FHIT: variants seen among roughly 807,000 people sequenced by gnomAD.
The protein encoded by FHIT is fragile histidine triad diadenosine triphosphatase.
Under a neutral mutation model 17.9 loss-of-function variants are expected in FHIT, and 19 were observed. That is an observed-to-expected ratio of 1.06 (90% CI 0.74 to 1.56). The LOEUF (loss-of-function observed/expected upper bound fraction) is 1.56. Among genes scored for constraint, FHIT ranks in the 40% most tolerant of loss-of-function variants. The pLI, the probability that FHIT is intolerant of heterozygous loss-of-function variation, is 0.00. For missense variants in FHIT, 248 were observed against 189.2 expected, an observed-to-expected ratio of 1.31 and a Z score of -1.82; for synonymous variants, 81 against 69.7, an observed-to-expected ratio of 1.16 and a Z score of -0.81.
intron 4 of FHIT, among the ~76,000 whole-genome samples, chr3:60,580,377 T>C (rs2037712310): frequency 6.6e-6 from 1 of 152,112 alleles, no homozygotes; most frequent in African/African-American, 2.4e-5. Flanking sequence ...GAATAATCTC[T>C]TTTTCAATCA....
intron 8 of FHIT, among the ~76,000 whole-genome samples, chr3:59,910,386 G>A (rs572646143): frequency 3.9e-5 from 6 of 152,298 alleles, no homozygotes; most frequent in Admixed American, 2.0e-4. Flanking sequence ...AATAGAATGG[G>A]AGGCAGGTTG....
intron 5 of FHIT, among the ~76,000 whole-genome samples, chr3:60,022,599 T>C (rs1444204889): frequency 6.6e-6 from 1 of 152,214 alleles, no homozygotes; most frequent in Admixed American, 6.5e-5. Context: ...TCACAGTGAC[T>C]AGGGCAAGTT....
At chr3:60,054,164 TAA>T (rs1345323363) in intron 5 of FHIT, among the ~76,000 whole-genome samples, 1 of 152,216 alleles carries the variant, frequency 6.6e-6, no homozygotes, top group Non-Finnish European at 1.5e-5. Flanking sequence ...TAGAATTTTT[TAA>T]AGTTTTGGAT....
chr3:60,454,825 A>C lies in FHIT; in HGVS notation c.103+82035T>G, dbSNP rs540189095. ...AACCTCATTTCCCACAATCCTTCCCAGGAGACACTACTTATCCAGGGTTGT... is the reference window on the plus strand; with the variant it reads ...AACCTCATTTCCCACAATCCTTCCCCGGAGACACTACTTATCCAGGGTTGT... On this transcript the variant is annotated intron_variant, in intron 5 of 9. Transcript: ENST00000492590. Among the ~76,000 whole-genome samples the C allele has an allele frequency of 2.0e-5, 3 of 152,206 alleles. No individual in the cohort carries two copies. In the South Asian group the frequency reaches 6.2e-4, roughly 32 times the overall value.
intron 5 of FHIT, among the ~76,000 whole-genome samples, chr3:60,360,468 G>C (rs571841166): frequency 6.6e-6 from 1 of 152,110 alleles, no homozygotes; most frequent in African/African-American, 2.4e-5. Context: ...TGTTATGGTA[G>C]AATGGAAAAA....
rs528893056 is a variant in FHIT at position 59,749,427 on chromosome 3, G to T, written c.*158C>A. 1.7e-5 allele frequency: 4 copies of T among 231,684 alleles called. No individual in the cohort carries two copies. The allele number at this position is 231,684 out of a possible 1,614,324, so 14.4% of individuals were successfully genotyped here. A position where few individuals can be genotyped will look rare whatever the true frequency, so the allele number is the denominator to read the frequency against. ...GTATTTTAAGGGAGTTGGAGTGACC[G>T]AGGTGGGGGATCACTGGTTGAAGAA... On this transcript the variant is annotated 3_prime_UTR_variant, in exon 10 of 10. Coordinates refer to ENST00000492590, the MANE Select transcript of FHIT (RefSeq NM_002012.4).
chr3:60,121,266 G>C (rs748628947), intron 5 of FHIT, among the ~76,000 whole-genome samples: 4 of 152,084 alleles, frequency 2.6e-5, no homozygotes, highest in Non-Finnish European at 5.9e-5. Context: ...AAAGTAAAAT[G>C]TGATCTATAT....
At chr3:60,671,977 T>C (rs1553694022) in intron 4 of FHIT, among the ~76,000 whole-genome samples, 1 of 152,104 alleles carries the variant, frequency 6.6e-6, no homozygotes, top group Non-Finnish European at 1.5e-5. Context: ...TTATTATTTG[T>C]TCTTAATTGA....
chr3:60,860,470 GTATATATGA>G (rs1703677011), intron 3 of FHIT, among the ~76,000 whole-genome samples: 3 of 86,560 alleles, frequency 3.5e-5, no homozygotes, highest in African/African-American at 1.4e-4. Flanking sequence ...ACATATATAT[GTATATATGA>G]TACATATGTA....
intron 5 of FHIT, among the ~76,000 whole-genome samples, chr3:60,276,056 C>A (rs570470737): frequency 6.6e-6 from 1 of 150,762 alleles, no homozygotes; most frequent in Non-Finnish European, 1.5e-5. Flanking sequence ...GGCATGATCT[C>A]GGCTCACTGC....
intron 5 of FHIT, among the ~76,000 whole-genome samples, chr3:60,189,140 A>C (rs1001770355): frequency 6.6e-6 from 1 of 152,256 alleles, no homozygotes; most frequent in Admixed American, 6.5e-5. Context: ...TGTCTGTTAA[A>C]AAGTAGAGCT....
chr3:60,977,896 T>C (rs2107545773), intron 3 of FHIT, among the ~76,000 whole-genome samples: 1 of 151,876 alleles, frequency 6.6e-6, no homozygotes, highest in Non-Finnish European at 1.5e-5. Context: ...AAAGACAGAG[T>C]CATTGCTAAC....
chr3:60,460,362 G>A (rs1324012979), intron 5 of FHIT, among the ~76,000 whole-genome samples: 1 of 151,870 alleles, frequency 6.6e-6, no homozygotes, highest in African/African-American at 2.4e-5. Flanking sequence ...GGGAATCACA[G>A]CTTCCTTCCA....
At chr3:59,896,171 A>C (rs555688913) in intron 8 of FHIT, among the ~76,000 whole-genome samples, 28 of 152,340 alleles carry the variant, frequency 1.8e-4, no homozygotes, top group African/African-American at 6.5e-4. Flanking sequence ...TGTCAGCTTC[A>C]TGAAAACAGA....
At chr3:60,324,160 A>T (rs568562604) in intron 5 of FHIT, among the ~76,000 whole-genome samples, 1 of 152,304 alleles carries the variant, frequency 6.6e-6, no homozygotes, top group East Asian at 1.9e-4. Context: ...TTTACTCCTC[A>T]TTAACAAACT....
chr3:60,805,781 A>C (rs1292019783), intron 4 of FHIT, among the ~76,000 whole-genome samples: 3 of 151,872 alleles, frequency 2.0e-5, no homozygotes, highest in Non-Finnish European at 4.4e-5. Flanking sequence ...GGATGGTCTC[A>C]ATCTCCTCAC....
intron 4 of FHIT, among the ~76,000 whole-genome samples, chr3:60,672,415 C>G (rs2040528042): frequency 6.6e-6 from 1 of 151,852 alleles, no homozygotes; most frequent in Non-Finnish European, 1.5e-5. Flanking sequence ...TCGCAAGGTG[C>G]TCAGTGGGGG....
chr3:60,243,915 G>A (rs1213637852), intron 5 of FHIT, among the ~76,000 whole-genome samples: 1 of 152,066 alleles, frequency 6.6e-6, no homozygotes, highest in African/African-American at 2.4e-5. Context: ...AGTCAGCAGG[G>A]AGAACAGAAA....
intron 3 of FHIT, among the ~76,000 whole-genome samples, chr3:60,966,061 C>G (rs180962157): frequency 6.6e-6 from 1 of 152,150 alleles, no homozygotes; most frequent in African/African-American, 2.4e-5. Flanking sequence ...GGCAGGCAGG[C>G]CTCCTTGAGC....
Sources: gnomAD v4.1 joint callset for allele counts (sites outside exome capture counted in the v4.1 genomes callset) on GRCh38, gnomAD v4.1.1 for gene constraint, MANE v1.5 for transcripts, NCBI Gene and HGNC (gene_info 2026-07-23, HGNC 2026-07-21) for gene names.